Variants in STX11 observed in about 807,000 individuals in gnomAD.
STX11 encodes syntaxin-11.
In STX11, 21 loss-of-function variants were observed where a neutral mutation model predicts 19.9. That is an observed-to-expected ratio of 1.06 (90% CI 0.75 to 1.52). The LOEUF (loss-of-function observed/expected upper bound fraction) is 1.52, where lower values mean the gene tolerates loss of function less well. Among genes scored for constraint, STX11 ranks in the 40% most tolerant of loss-of-function variants. The pLI, the probability that STX11 is intolerant of heterozygous loss-of-function variation, is 0.00. For synonymous variants in STX11, 193 were observed against 174.4 expected (o/e 1.11, Z -0.84); for missense variants, 438 against 405.9 (o/e 1.08, Z -0.68).
In STX11 at chr6:144,174,990, C is replaced by T. The variant is rs1326007439; in HGVS notation, c.-5-11633C>T. Among the ~76,000 whole-genome samples, 4 of 151,362 alleles carry T rather than the reference C, an allele frequency of 2.6e-5. No individual in the cohort carries two copies. Among genetic ancestry groups the T allele is most frequent in the South Asian group, 2.1e-4 (1 of 4,780 alleles). ...TCTACAAAAGATATAAAAATTAGCC[C>T]GCAGTCCCAGCTACTCGGGAGGCTG... On this transcript the variant is annotated intron_variant, in intron 1 of 1. Coordinates refer to ENST00000367568, the MANE Select transcript of STX11 (RefSeq NM_003764.4). The surrounding 1 kb of genome is among the most constrained non-coding windows in gnomAD (Gnocchi z 5.3).
chr6:144,184,627 T>A lies in STX11; in HGVS notation c.-5-1996T>A, dbSNP rs1049153543. On this transcript the variant is annotated intron_variant, in intron 1 of 1. Coordinates refer to ENST00000367568, the MANE Select transcript of STX11 (RefSeq NM_003764.4). This position sits in a 1 kb window ranked among gnomAD's most constrained non-coding sequence, Gnocchi z 6.5. ...GTGGTGCTATTCTAACGCCTGAGTG[T>A]TCACTTACTGATGACCTTGAGTAAA... Among the ~76,000 whole-genome samples the A allele has an allele frequency of 1.3e-5, 2 of 152,212 alleles. No individual in the cohort carries two copies. The highest frequency in any genetic ancestry group is 2.9e-5 in the Non-Finnish European group (2 of 68,030).
Position 144,151,290 on chromosome 6 carries a change from G to A in STX11, c.-6+587G>A, listed in dbSNP as rs1316229580. 4 of 985,284 alleles carry A rather than the reference G, an allele frequency of 4.1e-6. No homozygotes were observed. The African/African-American group carries it at 7.0e-5, about 17-fold the overall frequency. 61.0% of individuals were successfully genotyped at this position (985,284 alleles called of 1,614,324 possible). A position where few individuals can be genotyped will look rare whatever the true frequency, so the allele number is the denominator to read the frequency against. On this transcript the variant is annotated intron_variant, in intron 1 of 1. Coordinates refer to ENST00000367568, the MANE Select transcript of STX11 (RefSeq NM_003764.4). This position sits in a 1 kb window ranked among gnomAD's most constrained non-coding sequence, Gnocchi z 4.6. ...GCGAGAGCCACGCCGTCCTGAGAGG[G>A]AATTCTGCCTTTTTCTAGACTCCGC...
rs1397449019 is a variant in STX11, at chr6:144,180,319, A to G, written c.-5-6304A>G. Among the ~76,000 whole-genome samples, 1 of 152,046 alleles carries G rather than the reference A, an allele frequency of 6.6e-6. No individual in the cohort carries two copies. The highest frequency in any genetic ancestry group is 2.4e-5 in the African/African-American group (1 of 41,390). On this transcript the variant is annotated intron_variant, in intron 1 of 1. Coordinates refer to ENST00000367568, the MANE Select transcript of STX11 (RefSeq NM_003764.4). This position sits in a 1 kb window ranked among gnomAD's most constrained non-coding sequence, Gnocchi z 5.3. ...GCATGTTGGGAACAATGACTTTCAC[A>G]ATTGTTCTTTGTAGCATCCAGTGTC...
At chr6:144,185,008 G>A (rs966255172) in intron 1 of STX11, among the ~76,000 whole-genome samples, 2 of 152,132 alleles carry the variant, frequency 1.3e-5, no homozygotes, top group African/African-American at 4.8e-5. Flanking sequence ...GGTCCAGGGT[G>A]GATCTTTTTT....
intron 1 of STX11, among the ~76,000 whole-genome samples, chr6:144,157,861 C>T (rs1416913104): frequency 6.6e-6 from 1 of 151,958 alleles, no homozygotes; most frequent in Non-Finnish European, 1.5e-5. Context: ...ATTAGGGTTC[C>T]CCCCGCTCTC....
chr6:144,140,251 TATA>T, the STX11 span, among the ~76,000 whole-genome samples: 10 of 42,924 alleles, frequency 2.3e-4, no homozygotes, highest in African/African-American at 1.5e-3. Flanking sequence ...TATATATATA[TATA>T]TTTATTTATT....
intron 1 of STX11, among the ~76,000 whole-genome samples, chr6:144,158,986 T>C (rs970827061): frequency 7.2e-5 from 11 of 152,216 alleles, no homozygotes; most frequent in African/African-American, 2.7e-4. Flanking sequence ...CCACCTTCCC[T>C]GCCCTGTGGC....
chr6:144,186,828 G>C lies in STX11; in HGVS notation c.201G>C (p.Lys67Asn), dbSNP rs569409574. Residue 67 changes from lysine to asparagine, a missense_variant, in exon 2 of 2, where the codon AAG becomes AAC. By Grantham distance (94) the Lys-to-Asn change is moderately conservative (BLOSUM62 0). Coordinates refer to ENST00000367568, the MANE Select transcript of STX11 (RefSeq NM_003764.4). The stretch of plus-strand genomic sequence containing the variant: ...TGGCCGACGTGAAGCGGCTGGGAAA[G>C]CAGAACGCCCGCTTCCTCACGTCCA... Reference protein sequence around the residue: ...LLVADVKRLGKQNARFLTSMR... With the variant: ...LLVADVKRLGNQNARFLTSMR... The C allele has an allele frequency of 1.9e-6, 3 of 1,613,390 alleles. No homozygotes were observed. The highest frequency in any genetic ancestry group is 1.7e-5 in the Admixed American group (1 of 60,012).
chr6:144,148,710 C>T (rs1422537153), upstream of STX11, among the ~76,000 whole-genome samples: 1 of 152,174 alleles, frequency 6.6e-6, no homozygotes, highest in Non-Finnish European at 1.5e-5. Flanking sequence ...TTAGTTTTCA[C>T]GTCTCCTGAG....
Position 144,172,334 on chromosome 6 carries a change from G to A in STX11, c.-5-14289G>A, listed in dbSNP as rs1304399021. On this transcript the variant is annotated intron_variant, in intron 1 of 1. Transcript: ENST00000367568. The surrounding 1 kb of genome is among the most constrained non-coding windows in gnomAD (Gnocchi z 4.2). ...TGTAGAGGTGGGTCAGCTGGGGGCT[G>A]GCCTAGCTCTCCGTGCGGTCTTCAC... Among the ~76,000 whole-genome samples the A allele has an allele frequency of 2.6e-5, 4 of 152,142 alleles. No individual in the cohort carries two copies. The highest frequency in any genetic ancestry group is 5.9e-5 in the Non-Finnish European group (4 of 68,038).
chr6:144,187,675 A>C lies in STX11; in HGVS notation c.*184A>C. 1.3e-6 allele frequency: 1 copy of C among 742,280 alleles called. No individual in the cohort carries two copies. The highest frequency in any genetic ancestry group is 2.2e-6 in the Non-Finnish European group (1 of 448,780). The allele number at this position is 742,280 out of a possible 1,614,324, so 46.0% of individuals were successfully genotyped here. Reference sequence around the variant, plus strand: ...CTGTGCTTGGAAAGATGGTTAGTTGATACCGTCCGATGATTCTTCAGTAAA... The same window carrying C: ...CTGTGCTTGGAAAGATGGTTAGTTGCTACCGTCCGATGATTCTTCAGTAAA... On this transcript the variant is annotated 3_prime_UTR_variant, in exon 2 of 2. Transcript: ENST00000367568. This position sits in a 1 kb window ranked among gnomAD's most constrained non-coding sequence, Gnocchi z 5.6.
rs1802168710 is a variant in STX11, at chr6:144,189,804, A to T, written c.*2313A>T. ...TCATATTTCTCCCAATTTCTTTTTC[A>T]GCCAACTCCAAGGATATGTATCACC... is the stretch of plus-strand genomic sequence containing the variant. On this transcript the variant is annotated 3_prime_UTR_variant, in exon 2 of 2. Transcript: ENST00000367568. Among the ~76,000 whole-genome samples the T allele has an allele frequency of 1.3e-5, 2 of 152,206 alleles. No individual in the cohort carries two copies.
the STX11 span, among the ~76,000 whole-genome samples, chr6:144,142,259 T>C: frequency 6.6e-6 from 1 of 152,078 alleles, no homozygotes; most frequent in East Asian, 1.9e-4. Flanking sequence ...AATATTGGTA[T>C]CAGCATTATT....
Position 144,183,233 on chromosome 6 carries a change from C to T in STX11, c.-5-3390C>T, listed in dbSNP as rs77003438. On this transcript the variant is annotated intron_variant, in intron 1 of 1. Transcript: ENST00000367568. The surrounding 1 kb of genome is among the most constrained non-coding windows in gnomAD (Gnocchi z 4.6). ...TTACTCAAGTTTCTGTTTCAGAATGCTGCACATTCTCTTTCTCCATAACTA... is the reference window on the plus strand; with the variant it reads ...TTACTCAAGTTTCTGTTTCAGAATGTTGCACATTCTCTTTCTCCATAACTA... Among the ~76,000 whole-genome samples the T allele has an allele frequency of 4.7e-3, 717 of 152,318 alleles. 26 individuals are homozygous for T. The East Asian group carries it at 0.082, about 17-fold the overall frequency.
At chr6:144,178,463 A>C (rs1207190391) in intron 1 of STX11, among the ~76,000 whole-genome samples, 1 of 152,254 alleles carries the variant, frequency 6.6e-6, no homozygotes, top group Admixed American at 6.5e-5. Context: ...ATATTGCTAA[A>C]AGTGAAATCC....
At position 144,169,130 on chromosome 6, in the gene STX11, T is replaced by G. The variant is rs1025034679; in HGVS notation, c.-5-17493T>G. Among the ~76,000 whole-genome samples the G allele has an allele frequency of 2.6e-4, 39 of 152,226 alleles. No homozygotes were observed. The highest frequency in any genetic ancestry group is 9.2e-4 in the African/African-American group (38 of 41,472). On this transcript the variant is annotated intron_variant, in intron 1 of 1. Transcript: ENST00000367568. The surrounding 1 kb of genome is among the most constrained non-coding windows in gnomAD (Gnocchi z 5.2). ...CCTTGGAAACAGCAAAGACACAAGC[T>G]TTTGCCTGTCATAGCCAGATTACAC...
chr6:144,146,906 G>A (rs1405271458), upstream of STX11, among the ~76,000 whole-genome samples: 3 of 152,186 alleles, frequency 2.0e-5, no homozygotes, highest in African/African-American at 7.2e-5. This position sits in a 1 kb window ranked among gnomAD's most constrained non-coding sequence, Gnocchi z 4.4. Context: ...TGTGGATGGG[G>A]AGGGAAGGGG....
In STX11 at chr6:144,186,649, C is replaced by T. The variant is rs747149545; in HGVS notation, c.22C>T (p.Leu8Phe). The change falls in exon 2 of 2, where the codon CTT becomes TTT. Residue 8 changes from leucine to phenylalanine, a missense_variant. Transcript: ENST00000367568. MKDRLAELLDLSKQYDQQ... is the reference protein window; with the variant it reads MKDRLAEFLDLSKQYDQQ... ...CAAAATGAAAGACCGGCTAGCAGAACTTCTGGACTTGTCCAAGCAATATGA... is the reference window on the plus strand; with the variant it reads ...CAAAATGAAAGACCGGCTAGCAGAATTTCTGGACTTGTCCAAGCAATATGA... 1 of 1,612,688 alleles carries T rather than the reference C, an allele frequency of 6.2e-7. No homozygotes were observed. The highest frequency in any genetic ancestry group is 1.3e-5 in the African/African-American group (1 of 74,920).
chr6:144,156,054 TCCCC>T (rs1801153929), intron 1 of STX11, among the ~76,000 whole-genome samples: 4 of 45,488 alleles, frequency 8.8e-5, no homozygotes, highest in East Asian at 5.2e-4. Context: ...TTCCTTCCCC[TCCCC>T]TCCCCTCCCC....
Sources: gnomAD v4.1 joint callset for allele counts (sites outside exome capture counted in the v4.1 genomes callset) on GRCh38, gnomAD v4.1.1 for gene constraint, Gnocchi (gnomAD v3.1) non-coding constraint, MANE v1.5 for transcripts, NCBI Gene and HGNC (gene_info 2026-07-23, HGNC 2026-07-21) for gene names.